Variants in PCSK6 observed in about 807,000 individuals in gnomAD.
The protein encoded by PCSK6 is paired basic amino acid cleaving enzyme 4.
In PCSK6, 85 loss-of-function variants were observed where a neutral mutation model predicts 123.3. That is an observed-to-expected ratio of 0.69 (90% confidence interval 0.58 to 0.83). The LOEUF (loss-of-function observed/expected upper bound fraction) is 0.83. PCSK6 is among the 40% of genes least tolerant of loss of function. The pLI is 0.00. For missense variants in PCSK6, 1,191 were observed against 1,282.3 expected, an observed-to-expected ratio of 0.93 and a Z score of 1.09; for synonymous variants, 508 against 516.0, an observed-to-expected ratio of 0.98 and a Z score of 0.21.
chr15:101,352,331 T>G (rs1381428690), intron 13 of PCSK6, among the ~76,000 whole-genome samples: 2 of 151,944 alleles, frequency 1.3e-5, no homozygotes, highest in Non-Finnish European at 2.9e-5. Context: ...GTATTTTTAG[T>G]AGAGACGGGG....
intron 1 of PCSK6, among the ~76,000 whole-genome samples, chr15:101,451,165 GAA>G (rs1218006153): frequency 6.6e-6 from 1 of 152,058 alleles, no homozygotes; most frequent in Admixed American, 6.5e-5. Flanking sequence ...CACTCTGCCA[GAA>G]AAGACTAAAT....
In PCSK6 at chr15:101,377,343, C is replaced by T. The variant is rs538237018; in HGVS notation, c.1532+4749G>A. Among the ~76,000 whole-genome samples the T allele has an allele frequency of 1.5e-3, 235 of 152,294 alleles. 1 individual carries two copies. Among genetic ancestry groups the T allele is most frequent in the Middle Eastern group, 6.8e-3 (2 of 294 alleles). ...GAGGTCTTCTAACGGGTGGGCAGGT[C>T]GCTCTCATTGGCTCAGTACCGCCTG... On this transcript the variant is annotated intron_variant, in intron 11 of 21. Coordinates refer to ENST00000611716, the MANE Select transcript of PCSK6 (RefSeq NM_002570.5).
chr15:101,412,475 A>G (rs1308934326), intron 6 of PCSK6, among the ~76,000 whole-genome samples: 2 of 151,972 alleles, frequency 1.3e-5, no homozygotes, highest in African/African-American at 4.8e-5. Context: ...TAAAGAGGCC[A>G]TGAAAAAAAC....
intron 11 of PCSK6, among the ~76,000 whole-genome samples, chr15:101,374,832 C>T (rs895406920): frequency 1.3e-5 from 2 of 152,238 alleles, no homozygotes; most frequent in Non-Finnish European, 2.9e-5. Flanking sequence ...CTTCTCAGAC[C>T]TGTGTTCCAG....
chr15:101,377,900 C>T (rs946225600), intron 11 of PCSK6, among the ~76,000 whole-genome samples: 3 of 152,190 alleles, frequency 2.0e-5, no homozygotes, highest in African/African-American at 7.2e-5. Context: ...ACCTTCCAAA[C>T]CAGCAGAAAC....
rs114452085 is a variant in PCSK6, at chr15:101,468,843, C to T, written c.297+20531G>A. On this transcript the variant is annotated intron_variant, in intron 1 of 21. Transcript: ENST00000611716. ...CACATCTGCACTAGTGATGACAGCT[C>T]GTCTCACGGAGGTTTAAGTTTATGC... Among the ~76,000 whole-genome samples the T allele has an allele frequency of 8.9e-3, 1,359 of 152,256 alleles. 21 individuals are homozygous for T. The highest frequency in any genetic ancestry group is 0.03 in the African/African-American group (1,257 of 41,530).
At chr15:101,430,489 T>C (rs2056412848) in intron 4 of PCSK6, among the ~76,000 whole-genome samples, 1 of 152,270 alleles carries the variant, frequency 6.6e-6, no homozygotes. Context: ...CTTATTTCAC[T>C]TCGCATAACG....
intron 13 of PCSK6, among the ~76,000 whole-genome samples, chr15:101,332,781 C>T (rs568498959): frequency 3.3e-5 from 5 of 152,254 alleles, no homozygotes; most frequent in South Asian, 2.1e-4. Flanking sequence ...GCTGGGGTCC[C>T]GCCCCACCGA....
At chr15:101,453,021 A>G (rs1242829572) in intron 1 of PCSK6, among the ~76,000 whole-genome samples, 5 of 152,226 alleles carry the variant, frequency 3.3e-5, no homozygotes, top group Non-Finnish European at 7.3e-5. Context: ...TTTAATTGTA[A>G]TAAAACAAGG....
In PCSK6 at chr15:101,452,717, G is replaced by A. The variant is rs187176051; in HGVS notation, c.298-9057C>T. ...GCAGATAACCAGGCTGCCCACTCAG[G>A]GAAAGTGAAGACACAGGACATGGCA... On this transcript the variant is annotated intron_variant, in intron 1 of 21. Transcript: ENST00000611716. 2.5e-3 allele frequency among the ~76,000 whole-genome samples: 382 copies of A among 152,266 alleles called. 1 individual carries two copies. The highest frequency in any genetic ancestry group is 6.6e-3 in the African/African-American group (274 of 41,548).
chr15:101,403,154 A>C (rs1184922070), intron 6 of PCSK6, among the ~76,000 whole-genome samples: 1 of 151,730 alleles, frequency 6.6e-6, no homozygotes, highest in Non-Finnish European at 1.5e-5. Flanking sequence ...CATCATTCTC[A>C]GTAAACTATC....
At chr15:101,356,505 C>CAAAAAAAAAAA (rs34350017) in intron 13 of PCSK6, among the ~76,000 whole-genome samples, 2 of 86,238 alleles carry the variant, frequency 2.3e-5, no homozygotes, top group African/African-American at 4.4e-5. Flanking sequence ...ACTAAAACTA[C>CAAAAAAAAAAA]AAAAAAAAAA....
intron 18 of PCSK6, among the ~76,000 whole-genome samples, chr15:101,322,175 C>A (rs1478546209): frequency 6.6e-6 from 1 of 152,116 alleles, no homozygotes; most frequent in Non-Finnish European, 1.5e-5. Flanking sequence ...GTGGGTGAGC[C>A]GCTACAGCCC....
At chr15:101,409,986 G>A (rs368263181) in intron 6 of PCSK6, among the ~76,000 whole-genome samples, 12 of 152,286 alleles carry the variant, frequency 7.9e-5, no homozygotes, top group African/African-American at 2.9e-4. Flanking sequence ...AGGCTGGAGT[G>A]CAGTGCCACA....
intron 13 of PCSK6, among the ~76,000 whole-genome samples, chr15:101,337,689 C>T (rs1305511351): frequency 1.3e-5 from 2 of 152,178 alleles, no homozygotes; most frequent in South Asian, 2.1e-4. Flanking sequence ...GTTTTCTCTT[C>T]CTTCAGCCTA....
intron 13 of PCSK6, chr15:101,347,550 C>T (rs2141400712): frequency 1.6e-5 from 22 of 1,395,740 alleles, no homozygotes; most frequent in Non-Finnish European, 2.1e-5. Flanking sequence ...AAGGTTCATG[C>T]TTGCACGCAC....
chr15:101,358,578 G>A (rs537807881), intron 13 of PCSK6, among the ~76,000 whole-genome samples: 1 of 152,242 alleles, frequency 6.6e-6, no homozygotes, highest in Non-Finnish European at 1.5e-5. Flanking sequence ...ATAGCATCTG[G>A]CACATGGCAG....
chr15:101,379,479 T>C (rs1596259898), intron 11 of PCSK6, among the ~76,000 whole-genome samples: 1 of 152,132 alleles, frequency 6.6e-6, no homozygotes, highest in African/African-American at 2.4e-5. Flanking sequence ...AGTCACCATA[T>C]CCCACGCAGT....
chr15:101,389,640 T>C, intron 8 of PCSK6, 76 bp from the exon 9 acceptor site: 1 of 1,179,216 alleles, frequency 8.5e-7, no homozygotes, highest in Non-Finnish European at 1.2e-6. Flanking sequence ...CTGGGCTACT[T>C]CAGGTGCCAC....
Sources: gnomAD v4.1 joint callset for allele counts (sites outside exome capture counted in the v4.1 genomes callset) on GRCh38, gnomAD v4.1.1 for gene constraint, MANE v1.5 for transcripts, NCBI Gene and HGNC (gene_info 2026-07-23, HGNC 2026-07-21) for gene names.